The following FRMD6 variants were observed in gnomAD, a reference collection of about 807,000 sequenced individuals.
The protein encoded by FRMD6 is FERM domain containing 6.
In FRMD6, 37 loss-of-function variants were observed where a neutral mutation model predicts 73.2. That is an observed-to-expected ratio of 0.51 (90% CI 0.39 to 0.66). The LOEUF is 0.66. Ranked by LOEUF, FRMD6 falls within the 30% of genes least tolerant of loss-of-function variation. The pLI, the probability that FRMD6 is intolerant of heterozygous loss-of-function variation, is 0.00. For synonymous variants in FRMD6, 273 were observed against 282.2 expected (o/e 0.97, Z 0.33); for missense variants, 714 against 780.5 (o/e 0.91, Z 1.02).
intron 2 of FRMD6, among the ~76,000 whole-genome samples, chr14:51,610,062 C>T (rs528747604): frequency 2.6e-4 from 39 of 152,184 alleles, no homozygotes; most frequent in African/African-American, 8.9e-4. Context: ...GCCTGCAGTC[C>T]GCCTCTAGTT....
the FRMD6 span, among the ~76,000 whole-genome samples, chr14:51,417,386 G>T: frequency 1.3e-5 from 2 of 152,146 alleles, no homozygotes; most frequent in Non-Finnish European, 2.9e-5. Flanking sequence ...GTCTGTAAAG[G>T]ATTTTAGTTC....
intron 1 of FRMD6, among the ~76,000 whole-genome samples, chr14:51,678,332 G>A (rs2140285509): frequency 1.3e-5 from 2 of 152,206 alleles, no homozygotes; most frequent in South Asian, 4.1e-4. Flanking sequence ...CTCCTTATGT[G>A]TTTGCTTTCA....
chr14:51,695,494 G>A (rs1895883342), intron 2 of FRMD6, among the ~76,000 whole-genome samples: 1 of 152,122 alleles, frequency 6.6e-6, no homozygotes, highest in Admixed American at 6.6e-5. Flanking sequence ...CTCCAGTGGT[G>A]GTGGTGGGTG....
Position 51,636,399 on chromosome 14 carries a change from G to T in FRMD6, c.-146-53292G>T, listed in dbSNP as rs1198276198. 2.6e-5 allele frequency among the ~76,000 whole-genome samples: 4 copies of T among 152,330 alleles called. No homozygotes were observed. In the East Asian group the frequency reaches 7.7e-4, roughly 29 times the overall value. ...TTTAGCCTTTGTGAGGAAAGCTGGT[G>T]GAGATCACTGCCTGACTGTTGGTCC... is the stretch of plus-strand genomic sequence containing the variant. On this transcript the variant is annotated intron_variant, in intron 2 of 14. Coordinates refer to the FRMD6 transcript ENST00000356218.
At chr14:51,657,319 A>G (rs1383988401) in intron 1 of FRMD6, among the ~76,000 whole-genome samples, 1 of 152,224 alleles carries the variant, frequency 6.6e-6, no homozygotes, top group Non-Finnish European at 1.5e-5. Flanking sequence ...AAATGATCAC[A>G]TTTGGGCAAC....
intron 11 of FRMD6, 105 bp from the exon 12 acceptor site, chr14:51,721,843 AT>A (rs1215459282): frequency 7.5e-7 from 1 of 1,341,150 alleles, no homozygotes; most frequent in African/African-American, 1.5e-5. Flanking sequence ...TAGCAAATTT[AT>A]TTTCAAATAG....
At chr14:51,471,103 T>C in the FRMD6 span, among the ~76,000 whole-genome samples, 1 of 152,230 alleles carries the variant, frequency 6.6e-6, no homozygotes, top group Non-Finnish European at 1.5e-5. Flanking sequence ...TCACCTGATA[T>C]AATTGTGGAA....
At chr14:51,612,516 T>G (rs1466583986) in intron 2 of FRMD6, among the ~76,000 whole-genome samples, 2 of 152,224 alleles carry the variant, frequency 1.3e-5, no homozygotes, top group Admixed American at 6.5e-5. Flanking sequence ...TGGGCCTAAA[T>G]TGCTTACATT....
intron 1 of FRMD6, among the ~76,000 whole-genome samples, chr14:51,537,856 C>T (rs1885982416): frequency 1.3e-5 from 2 of 152,202 alleles, no homozygotes; most frequent in Non-Finnish European, 2.9e-5. Context: ...TTGGGATGTT[C>T]GTTTTTTATT....
chr14:51,498,889 T>A (rs1398835305), intron 1 of FRMD6, among the ~76,000 whole-genome samples: 1 of 152,240 alleles, frequency 6.6e-6, no homozygotes, highest in African/African-American at 2.4e-5. Flanking sequence ...ATAAGATATT[T>A]GTATCTAAAG....
At chr14:51,434,657 A>T in the FRMD6 span, among the ~76,000 whole-genome samples, 1 of 152,208 alleles carries the variant, frequency 6.6e-6, no homozygotes, top group African/African-American at 2.4e-5. Flanking sequence ...GCAAATAGCA[A>T]TAAATGTTCA....
chr14:51,555,201 A>G (rs1214823069), intron 1 of FRMD6, among the ~76,000 whole-genome samples: 1 of 152,222 alleles, frequency 6.6e-6, no homozygotes, highest in Non-Finnish European at 1.5e-5. Context: ...TTCTAGATGC[A>G]TACATGACTA....
At chr14:51,622,529 C>A (rs1472787728) in intron 2 of FRMD6, among the ~76,000 whole-genome samples, 1 of 152,130 alleles carries the variant, frequency 6.6e-6, no homozygotes, top group Non-Finnish European at 1.5e-5. Context: ...GAAAAAGGTT[C>A]ATTGTATGTT....
In FRMD6 at chr14:51,529,625, G is replaced by T. The variant is rs190043659; in HGVS notation, c.-210+40205G>T. On this transcript the variant is annotated intron_variant, in intron 1 of 14. Coordinates refer to the FRMD6 transcript ENST00000356218. ...AAAAAGAACTGAAATTTCTACATAA[G>T]CAAGTAGTAAATATAAAATTGGGAA... Among the ~76,000 whole-genome samples the T allele has an allele frequency of 2.0e-3, 309 of 152,232 alleles. 1 individual carries two copies. Among genetic ancestry groups the T allele is most frequent in the African/African-American group, 6.9e-3 (285 of 41,544 alleles).
chr14:51,418,671 G>A, the FRMD6 span, among the ~76,000 whole-genome samples: 1 of 152,236 alleles, frequency 6.6e-6, no homozygotes, highest in African/African-American at 2.4e-5. Flanking sequence ...CATTCTCTGA[G>A]CTCAAACACT....
At position 51,533,935 on chromosome 14, in the gene FRMD6, A is replaced by G. The variant is rs1024229063; in HGVS notation, c.-209-36413A>G. Among the ~76,000 whole-genome samples the G allele has an allele frequency of 2.0e-5, 3 of 152,194 alleles. No homozygotes were observed. The East Asian group carries it at 5.8e-4, about 29-fold the overall frequency. ...CAATGTGGATCCTTTTATCTCTTTC[A>G]ATTATAGTAAGACCAATAGGAAGAA... On this transcript the variant is annotated intron_variant, in intron 1 of 14. Coordinates refer to the FRMD6 transcript ENST00000356218.
chr14:51,541,993 A>G (rs73285072), intron 1 of FRMD6, among the ~76,000 whole-genome samples: 1,778 of 152,166 alleles, frequency 0.012, 36 homozygotes, highest in African/African-American at 0.041. Flanking sequence ...CAGTACACCA[A>G]TGTTTCTCAG....
chr14:51,515,490 T>A (rs1291040603), intron 1 of FRMD6, among the ~76,000 whole-genome samples: 1 of 152,138 alleles, frequency 6.6e-6, no homozygotes, highest in East Asian at 1.9e-4. Flanking sequence ...GTGCCCCCAT[T>A]TGTTGGAATC....
At chr14:51,470,775 GTGT>G in the FRMD6 span, among the ~76,000 whole-genome samples, 3 of 152,090 alleles carry the variant, frequency 2.0e-5, no homozygotes, top group Non-Finnish European at 4.4e-5. Context: ...AATTAAGATG[GTGT>G]TGTTTAATTT....
Sources: gnomAD v4.1 joint callset for allele counts (sites outside exome capture counted in the v4.1 genomes callset) on GRCh38, gnomAD v4.1.1 for gene constraint, MANE v1.5 for transcripts, NCBI Gene and HGNC (gene_info 2026-07-23, HGNC 2026-07-21) for gene names.